LMF1: variants seen among roughly 807,000 people sequenced by gnomAD.
The protein encoded by LMF1 is transmembrane protein 112.
Under a neutral mutation model 60.6 loss-of-function variants are expected in LMF1, and 68 were observed. The ratio of observed to expected loss-of-function variants is 1.12; its 90% CI spans 0.92 to 1.37. The LOEUF is 1.37. Among genes scored for constraint, LMF1 ranks in the 40% most tolerant of loss-of-function variants. LMF1 has a pLI of 0.00. For synonymous variants in LMF1, 418 were observed against 324.7 expected (o/e 1.29, Z -3.09); for missense variants, 948 against 767.2 (o/e 1.24, Z -2.78).
chr16:972,016 G>C (rs1204455931), upstream of LMF1, among the ~76,000 whole-genome samples: 1 of 152,066 alleles, frequency 6.6e-6, no homozygotes, highest in Non-Finnish European at 1.5e-5. Flanking sequence ...ATCGCCACTG[G>C]GTTGGTCAAA....
At chr16:937,661 T>C (rs2071983769) in intron 2 of LMF1, among the ~76,000 whole-genome samples, 1 of 152,248 alleles carries the variant, frequency 6.6e-6, no homozygotes, top group African/African-American at 2.4e-5. Context: ...GGGGCTCCCA[T>C]TTCTATAGGA....
At chr16:925,292 A>G (rs1349769787) in intron 3 of LMF1, among the ~76,000 whole-genome samples, 3 of 152,270 alleles carry the variant, frequency 2.0e-5, no homozygotes, top group Non-Finnish European at 4.4e-5. Context: ...AATCACAGCA[A>G]CAAAACACTT....
chr16:949,181 A>C (rs2072356976), intron 2 of LMF1, among the ~76,000 whole-genome samples: 1 of 151,458 alleles, frequency 6.6e-6, no homozygotes, highest in South Asian at 2.1e-4. Flanking sequence ...TCAGCCAACG[A>C]CAGAGTCAGC....
chr16:869,216 G>C, intron 9 of LMF1, 160 bp from the exon 10 acceptor site: 1 of 673,446 alleles, frequency 1.5e-6, no homozygotes, highest in Middle Eastern at 3.7e-4. Flanking sequence ...TCCCCTTAAG[G>C]GGCTGCCTGC....
intron 4 of LMF1, among the ~76,000 whole-genome samples, chr16:908,038 C>G (rs2071013573): frequency 6.6e-6 from 1 of 152,210 alleles, no homozygotes; most frequent in Non-Finnish European, 1.5e-5. Flanking sequence ...CCCTGGAGCT[C>G]TGCTTCTCTC....
At chr16:877,500 CTT>C (rs1282511432) in intron 6 of LMF1, among the ~76,000 whole-genome samples, 4 of 152,202 alleles carry the variant, frequency 2.6e-5, no homozygotes, top group African/African-American at 7.2e-5. Context: ...TGTGAACTTG[CTT>C]CAGCATCCAC....
In LMF1 at chr16:878,217, G is replaced by A. The variant is rs542072730; in HGVS notation, c.897+1353C>T. Among the ~76,000 whole-genome samples, 13 of 152,152 alleles carry A rather than the reference G, an allele frequency of 8.5e-5. No individual in the cohort carries two copies. The highest frequency in any genetic ancestry group is 1.2e-4 in the African/African-American group (5 of 41,428). ...TGAGCAGCTGCAGAGAGAAACGTGC[G>A]GTCCTGGCTGGGGGACGATCTGTGA... On this transcript the variant is annotated intron_variant, in intron 6 of 10. Transcript: ENST00000262301. The surrounding 1 kb of genome is among the most constrained non-coding windows in gnomAD (Gnocchi z 5.2).
intron 4 of LMF1, among the ~76,000 whole-genome samples, chr16:908,000 G>GCTCCTCTGCGGGGC (rs1239934725): frequency 1.3e-5 from 2 of 152,208 alleles, no homozygotes; most frequent in African/African-American, 2.4e-5. Context: ...CAACCGCCTG[G>GCTCCTCTGCGGGGC]CGGCTCCTCT....
rs141022903 is a variant in LMF1, at chr16:889,248, A to G, written c.729+3759T>C. ...CAGGGGGCTGGCCCCTTCTCTTGGAACTTGGGGATGCCTTCCCTGCTGCTT... is the reference window on the plus strand; with the variant it reads ...CAGGGGGCTGGCCCCTTCTCTTGGAGCTTGGGGATGCCTTCCCTGCTGCTT... On this transcript the variant is annotated intron_variant, in intron 5 of 10. Coordinates refer to ENST00000262301, the MANE Select transcript of LMF1 (RefSeq NM_022773.4). Among the ~76,000 whole-genome samples the G allele has an allele frequency of 8.5e-3, 1,295 of 152,290 alleles. 28 individuals are homozygous for G. The South Asian group carries it at 0.11, about 13-fold the overall frequency.
At chr16:893,119 T>C (rs750103910) in intron 4 of LMF1, 47 bp from the exon 5 acceptor site, 2 of 1,498,766 alleles carry the variant, frequency 1.3e-6, no homozygotes, top group Non-Finnish European at 9.1e-7. Flanking sequence ...GGGCTGGGGA[T>C]GCGGCGGCCC....
At chr16:872,356 G>A (rs2069823414) in intron 6 of LMF1, 2 of 152,262 alleles carry the variant, frequency 1.3e-5, no homozygotes, top group Non-Finnish European at 2.9e-5. Context: ...GGACTCGTGA[G>A]GGCAGCCACA....
At chr16:862,722 G>C (rs1049173643) in intron 10 of LMF1, among the ~76,000 whole-genome samples, 1 of 152,130 alleles carries the variant, frequency 6.6e-6, no homozygotes, top group African/African-American at 2.4e-5. Flanking sequence ...GTGAGGCGTG[G>C]TGGTGTGGGC....
intron 2 of LMF1, 118 bp downstream of exon 2, chr16:954,239 T>A: frequency 1.8e-6 from 2 of 1,083,144 alleles, no homozygotes; most frequent in Non-Finnish European, 2.7e-6. Context: ...GACAATACCC[T>A]CCTGAAGGAA....
At chr16:923,770 T>C (rs552776262) in intron 3 of LMF1, among the ~76,000 whole-genome samples, 1 of 152,060 alleles carries the variant, frequency 6.6e-6, no homozygotes, top group Non-Finnish European at 1.5e-5. Context: ...CCCCACAATC[T>C]CCAAATCCAG....
chr16:897,544 G>A lies in LMF1; in HGVS notation c.664-4472C>T, dbSNP rs768795305. 4.6e-5 allele frequency among the ~76,000 whole-genome samples: 7 copies of A among 152,246 alleles called. No homozygotes were observed. The highest frequency in any genetic ancestry group is 2.1e-4 in the South Asian group (1 of 4,832). On this transcript the variant is annotated intron_variant, in intron 4 of 10. Transcript: ENST00000262301. The surrounding 1 kb of genome is among the most constrained non-coding windows in gnomAD (Gnocchi z 4.3). Reference sequence around the variant, plus strand: ...CGCGACAGGTCCTGCCTCCGCAGGAGAGACTCAAAGGGGAGAGCTTTGTCC... The same window carrying A: ...CGCGACAGGTCCTGCCTCCGCAGGAAAGACTCAAAGGGGAGAGCTTTGTCC...
intron 3 of LMF1, among the ~76,000 whole-genome samples, chr16:930,877 T>C (rs1376280577): frequency 6.6e-6 from 1 of 152,100 alleles, no homozygotes; most frequent in Non-Finnish European, 1.5e-5. Context: ...TCCCAGCACT[T>C]TGGGAGGCTG....
chr16:857,307 G>A (rs894136923), intron 10 of LMF1, among the ~76,000 whole-genome samples: 3 of 152,256 alleles, frequency 2.0e-5, no homozygotes, highest in Non-Finnish European at 2.9e-5. Context: ...CTGCAACTTC[G>A]GGTGTCCTTT....
At chr16:944,430 T>C (rs137907715) in intron 2 of LMF1, among the ~76,000 whole-genome samples, 45 of 152,380 alleles carry the variant, frequency 3.0e-4, no homozygotes, top group Non-Finnish European at 5.7e-4. Context: ...CAAGCTGCCC[T>C]CAACTCTGAT....
chr16:973,489 T>C (rs1417722353), upstream of LMF1, among the ~76,000 whole-genome samples: 1 of 151,974 alleles, frequency 6.6e-6, no homozygotes, highest in East Asian at 1.9e-4. Context: ...ATGTCCGGGG[T>C]GGGCAAAGCC....
Sources: allele counts gnomAD v4.1 joint callset (sites outside exome capture counted in the v4.1 genomes callset), GRCh38; gene constraint gnomAD v4.1.1; non-coding constraint Gnocchi (gnomAD v3.1); transcripts MANE v1.5; gene names NCBI Gene and HGNC (gene_info 2026-07-23, HGNC 2026-07-21).